The following NEDD9 variants were observed in gnomAD, a reference collection of about 807,000 sequenced individuals.
NEDD9 encodes enhancer of filamentation 1.
NEDD9 carries 26 observed loss-of-function variants against 76.6 expected under a neutral mutation model. That is an observed-to-expected ratio of 0.34 (90% CI 0.25 to 0.47). The LOEUF is 0.47. Among genes scored for constraint, NEDD9 ranks in the 20% least tolerant of loss-of-function variants. The pLI is 1.00. For missense variants in NEDD9, 937 were observed against 1,058.5 expected (o/e 0.89, Z 1.59); for synonymous variants, 392 against 414.2 (o/e 0.95, Z 0.65).
At chr6:11,293,120 A>G (rs1382524713) in intron 3 of NEDD9, among the ~76,000 whole-genome samples, 1 of 152,214 alleles carries the variant, frequency 6.6e-6, no homozygotes, top group African/African-American at 2.4e-5. Context: ...TATTTGCTGT[A>G]AAAAGGGGAA....
chr6:11,315,798 A>T (rs1326398250), intron 2 of NEDD9, among the ~76,000 whole-genome samples: 2 of 152,246 alleles, frequency 1.3e-5, no homozygotes. Context: ...CTATTAGTTC[A>T]TCTGTTAGGG....
rs889361140 is a variant in NEDD9 at position 11,351,001 on chromosome 6, C to T, written c.-213-16440G>A. On this transcript the variant is annotated intron_variant, in intron 1 of 3. Transcript: ENST00000397378. Reference sequence around the variant, plus strand: ...ACTTGTTTTATATATACATTGTGGACGCCACAATGATCAAGCGAATCAGCA... The same window carrying T: ...ACTTGTTTTATATATACATTGTGGATGCCACAATGATCAAGCGAATCAGCA... Among the ~76,000 whole-genome samples, 8 of 152,136 alleles carry T rather than the reference C, an allele frequency of 5.3e-5. 1 individual carries two copies. The South Asian group carries it at 1.2e-3, about 24-fold the overall frequency.
At position 11,291,570 on chromosome 6, in the gene NEDD9, G is replaced by A. The variant is rs930923652; in HGVS notation, c.12+14422C>T. Among the ~76,000 whole-genome samples the A allele has an allele frequency of 3.3e-5, 5 of 152,222 alleles. 1 individual carries two copies. In the South Asian group the frequency reaches 6.2e-4, roughly 19 times the overall value. ...ATTACAGGCGTGAGCCACCGCGCCCGGCCAGAATGAGATTTTTAACACGAG... is the reference window on the plus strand; with the variant it reads ...ATTACAGGCGTGAGCCACCGCGCCCAGCCAGAATGAGATTTTTAACACGAG... On this transcript the variant is annotated intron_variant, in intron 3 of 3. Coordinates refer to the NEDD9 transcript ENST00000397378.
At chr6:11,266,306 A>T (rs144547287) in intron 3 of NEDD9, among the ~76,000 whole-genome samples, 1 of 152,040 alleles carries the variant, frequency 6.6e-6, no homozygotes, top group East Asian at 1.9e-4. Flanking sequence ...TGGATTGTCA[A>T]ACTTGGGTGG....
chr6:11,364,721 T>A (rs955923749), intron 1 of NEDD9, among the ~76,000 whole-genome samples: 3 of 152,202 alleles, frequency 2.0e-5, no homozygotes, highest in African/African-American at 7.2e-5. Flanking sequence ...TATTAGGATG[T>A]AATCTCCCGT....
intron 1 of NEDD9, among the ~76,000 whole-genome samples, chr6:11,358,667 A>G (rs1762626193): frequency 6.6e-6 from 1 of 152,130 alleles, no homozygotes; most frequent in Non-Finnish European, 1.5e-5. Flanking sequence ...GAAGGAAGAA[A>G]AATGACCTGC....
rs546220947 is a variant in NEDD9 at position 11,361,209 on chromosome 6, G to C, written c.-214+20930C>G. 5.3e-5 allele frequency among the ~76,000 whole-genome samples: 8 copies of C among 152,198 alleles called. No individual in the cohort carries two copies. The East Asian group carries it at 1.5e-3, about 29-fold the overall frequency. ...TCAGGGGGTCAGAGTTGTAGGGATG[G>C]GGGCTCTGGTTAAAGTCCAGCCAAA... On this transcript the variant is annotated intron_variant, in intron 1 of 3. Coordinates refer to the NEDD9 transcript ENST00000397378.
intron 2 of NEDD9, among the ~76,000 whole-genome samples, chr6:11,206,624 T>C (rs1758624195): frequency 6.6e-6 from 1 of 152,184 alleles, no homozygotes; most frequent in African/African-American, 2.4e-5. Context: ...TTTGCTTTGG[T>C]GTGGGTTTAT....
intron 3 of NEDD9, among the ~76,000 whole-genome samples, chr6:11,265,304 T>A (rs1204916984): frequency 6.6e-6 from 1 of 152,248 alleles, no homozygotes; most frequent in Non-Finnish European, 1.5e-5. Context: ...GGAAAAACGC[T>A]CACCAAATAT....
At chr6:11,360,251 G>A (rs1762654271) in intron 1 of NEDD9, among the ~76,000 whole-genome samples, 2 of 152,224 alleles carry the variant, frequency 1.3e-5, no homozygotes, top group East Asian at 1.9e-4. Context: ...GACATATGAG[G>A]AAAGGGTTCA....
chr6:11,259,934 T>TC (rs1422578691), intron 3 of NEDD9, among the ~76,000 whole-genome samples: 3 of 13,246 alleles, frequency 2.3e-4, no homozygotes, highest in African/African-American at 9.4e-4. Flanking sequence ...ACTGCGCCCT[T>TC]AACACACACA....
intron 2 of NEDD9, 63 bp from the exon 3 acceptor site, chr6:11,193,755 C>T: frequency 1.8e-6 from 2 of 1,090,544 alleles, no homozygotes; most frequent in South Asian, 2.7e-5. Context: ...CTCCTTGCCT[C>T]CTAACTAAGC....
At chr6:11,296,299 C>A (rs1225512259) in intron 3 of NEDD9, among the ~76,000 whole-genome samples, 1 of 152,126 alleles carries the variant, frequency 6.6e-6, no homozygotes, top group Non-Finnish European at 1.5e-5. Flanking sequence ...AGAGGTTCTT[C>A]GTTTTGATCC....
chr6:11,306,275 G>A, intron 2 of NEDD9: 1 of 506,490 alleles, frequency 2.0e-6, no homozygotes, highest in Non-Finnish European at 3.6e-6. Flanking sequence ...TCTTGTGAAT[G>A]GAATCCATCA....
At chr6:11,231,668 CTGGAAG>C (rs1759471115) in intron 1 of NEDD9, among the ~76,000 whole-genome samples, 1 of 152,136 alleles carries the variant, frequency 6.6e-6, no homozygotes, top group Non-Finnish European at 1.5e-5. Context: ...TTTGTGTCCC[CTGGAAG>C]CTGCTTGCCT....
At chr6:11,232,206 C>T (rs1759489312) in intron 1 of NEDD9, among the ~76,000 whole-genome samples, 1 of 152,190 alleles carries the variant, frequency 6.6e-6, no homozygotes, top group South Asian at 2.1e-4. Flanking sequence ...AGTCAGACAC[C>T]CTCTGATCTC....
chr6:11,232,423 T>G (rs1759503288), intron 1 of NEDD9, 81 bp downstream of exon 1: 1 of 1,549,270 alleles, frequency 6.5e-7, no homozygotes, highest in Non-Finnish European at 8.9e-7. Flanking sequence ...GGACTGACAG[T>G]AAGGAACACG....
At chr6:11,207,115 G>T (rs1445775306) in intron 2 of NEDD9, among the ~76,000 whole-genome samples, 2 of 152,208 alleles carry the variant, frequency 1.3e-5, no homozygotes, top group East Asian at 3.8e-4. Context: ...TTTTGTGTGT[G>T]TATAGGCAAG....
At chr6:11,375,909 C>T (rs1202890964) in intron 1 of NEDD9, among the ~76,000 whole-genome samples, 1 of 152,166 alleles carries the variant, frequency 6.6e-6, no homozygotes, top group African/African-American at 2.4e-5. Context: ...ACTGCAAGCT[C>T]CGCCTCCCGG....
Sources: allele counts gnomAD v4.1 joint callset (sites outside exome capture counted in the v4.1 genomes callset), GRCh38; gene constraint gnomAD v4.1.1; transcripts MANE v1.5; gene names NCBI Gene and HGNC (gene_info 2026-07-23, HGNC 2026-07-21).